Variants in DRICH1 observed in about 807,000 individuals in gnomAD.
DRICH1 encodes aspartate rich 1.
Under a neutral mutation model 39.5 loss-of-function variants are expected in DRICH1, and 38 were observed. That is an observed-to-expected ratio of 0.96 (90% CI 0.74 to 1.26). DRICH1 has a LOEUF of 1.26. DRICH1 is among the 50% of genes most tolerant of loss of function. The pLI, the probability that DRICH1 is intolerant of heterozygous loss-of-function variation, is 0.00. For missense variants in DRICH1, 279 were observed against 270.4 expected, an observed-to-expected ratio of 1.03 and a Z score of -0.22; for synonymous variants, 84 against 99.5, an observed-to-expected ratio of 0.84 and a Z score of 0.93.
intron 4 of DRICH1, 22 bp from the exon 5 acceptor site, chr22:23,620,637 T>C: frequency 6.2e-7 from 1 of 1,613,504 alleles, no homozygotes; most frequent in Non-Finnish European, 8.5e-7. Flanking sequence ...CAAAAGAAGA[T>C]GCTATGAGGA....
the DRICH1 span, chr22:23,583,208 G>A: frequency 6.6e-6 from 1 of 152,198 alleles, no homozygotes; most frequent in East Asian, 1.9e-4. Context: ...AAATCTTTTG[G>A]AAAGTGCTGT....
rs1921003366 is a variant in DRICH1 at position 23,632,153 on chromosome 22, T to G, written c.-130A>C. ...CAGCCTGACCCCAGGCAGATCTGGGTCCTCAGCCCTTATTCTGCCGCCACC... is the reference window on the plus strand; with the variant it reads ...CAGCCTGACCCCAGGCAGATCTGGGGCCTCAGCCCTTATTCTGCCGCCACC... On this transcript the variant is annotated 5_prime_UTR_variant, in exon 1 of 12. Transcript: ENST00000317749. 4 of 1,449,196 alleles carry G rather than the reference T, an allele frequency of 2.8e-6. No homozygotes were observed. The highest frequency in any genetic ancestry group is 3.7e-6 in the Non-Finnish European group (4 of 1,083,396). The allele number at this position is 1,449,196 out of a possible 1,614,324, so 89.8% of individuals were successfully genotyped here.
chr22:23,595,065 C>T, the DRICH1 span, among the ~76,000 whole-genome samples: 1 of 149,024 alleles, frequency 6.7e-6, no homozygotes, highest in African/African-American at 2.5e-5. Context: ...CCACCCAGGT[C>T]CTCAGTGTCC....
chr22:23,611,627 G>A (rs1044061314), intron 11 of DRICH1, among the ~76,000 whole-genome samples: 3 of 151,964 alleles, frequency 2.0e-5, no homozygotes, highest in African/African-American at 7.2e-5. Context: ...TCCTGACCTC[G>A]TAATCCGCCC....
At chr22:23,599,514 TG>T in the DRICH1 span, among the ~76,000 whole-genome samples, 6 of 152,172 alleles carry the variant, frequency 3.9e-5, no homozygotes, top group African/African-American at 1.4e-4. Context: ...AAGGAATTTT[TG>T]GGTGGTGAGC....
chr22:23,617,569 T>C lies in DRICH1; in HGVS notation c.519+6A>G. 1 of 1,613,802 alleles carries C rather than the reference T, an allele frequency of 6.2e-7. No individual in the cohort carries two copies. Among genetic ancestry groups the C allele is most frequent in the South Asian group, 1.1e-5 (1 of 91,078 alleles). ...TTCCTTAGAAGACAAAGAAAGGTTG[T>C]CTTACCTGGGCATCATCATCATCAT... On this transcript the variant is annotated splice_donor_region_variant and intron_variant, in intron 7 of 11. Transcript: ENST00000317749.
downstream of DRICH1, among the ~76,000 whole-genome samples, chr22:23,605,584 C>T (rs527926715): frequency 3.6e-4 from 55 of 152,052 alleles, no homozygotes; most frequent in Middle Eastern, 6.8e-3. Context: ...GTGGGGACAG[C>T]GGCCACCATC....
At chr22:23,585,564 C>T in the DRICH1 span, among the ~76,000 whole-genome samples, 1 of 152,144 alleles carries the variant, frequency 6.6e-6, no homozygotes, top group Non-Finnish European at 1.5e-5. Flanking sequence ...GTCACCCAGG[C>T]TGGAGTGCAG....
chr22:23,605,777 A>T, downstream of DRICH1, among the ~76,000 whole-genome samples: 1 of 152,170 alleles, frequency 6.6e-6, no homozygotes, highest in East Asian at 1.9e-4. Flanking sequence ...ATGATATTTA[A>T]AAATAAAAAT....
intron 8 of DRICH1, 150 bp from the exon 9 acceptor site, chr22:23,614,364 T>A (rs1182922315): frequency 3.2e-6 from 2 of 633,602 alleles, no homozygotes; most frequent in African/African-American, 3.7e-5. Context: ...GGAAGAGGGA[T>A]GGCAAAGAAG....
downstream of DRICH1, among the ~76,000 whole-genome samples, chr22:23,603,863 G>C (rs890523411): frequency 6.6e-6 from 1 of 152,180 alleles, no homozygotes; most frequent in Non-Finnish European, 1.5e-5. Flanking sequence ...GATGGCCTTG[G>C]GGGAGACGAA....
In DRICH1 at chr22:23,614,138, G is replaced by T; in HGVS notation, c.618C>A (p.Ile206=). ...KDEEEEDDDD[I]HITARIESDL... ...GACAAAAAAAGGGAGGTCTTACGTG[G>T]ATGTCATCATCATCTTCTTCTTCTT... Residue 206 remains isoleucine (I), a synonymous_variant, in exon 9 of 12, where the codon ATC becomes ATA. Coordinates refer to ENST00000317749, the MANE Select transcript of DRICH1 (RefSeq NM_016449.4). The T allele has an allele frequency of 6.2e-7, 1 of 1,608,538 alleles. No homozygotes were observed. Among genetic ancestry groups the T allele is most frequent in the Non-Finnish European group, 8.5e-7 (1 of 1,174,892 alleles).
downstream of DRICH1, among the ~76,000 whole-genome samples, chr22:23,607,575 CTCTTTCTTCTGAGAGT>C (rs1336192117): frequency 3.3e-5 from 5 of 151,360 alleles, no homozygotes; most frequent in African/African-American, 7.3e-5. Context: ...GTCCAGGTTT[CTCTTTCTTCTGAGAGT>C]CTCATTAGAG....
chr22:23,611,365 A>G (rs897172081), intron 11 of DRICH1, among the ~76,000 whole-genome samples: 1 of 151,738 alleles, frequency 6.6e-6, no homozygotes, highest in Admixed American at 6.6e-5. Flanking sequence ...CCACATACCC[A>G]ATTTATGGCT....
the DRICH1 span, among the ~76,000 whole-genome samples, chr22:23,582,554 G>GTTTATTATTATTATTATT: frequency 1.3e-3 from 53 of 40,084 alleles, no homozygotes; most frequent in African/African-American, 3.2e-3. Context: ...ACCTTCAGGG[G>GTTTATTATTATTATTATT]CTTATTATTA....
intron 10 of DRICH1, 141 bp from the exon 11 acceptor site, chr22:23,613,471 G>T: frequency 1.1e-6 from 1 of 936,668 alleles, no homozygotes; most frequent in Non-Finnish European, 1.7e-6. Context: ...TCTTTCTTCT[G>T]GGTCGACAAA....
chr22:23,632,679 G>T (rs13055809), upstream of DRICH1: 13,721 of 110,246 alleles, frequency 0.12, 2,140 homozygotes, highest in African/African-American at 0.38. Flanking sequence ...AGGCTGAGCG[G>T]GGGGGGTGGA....
intron 6 of DRICH1, 116 bp downstream of exon 6, chr22:23,619,248 A>C (rs183582715): frequency 6.0e-5 from 42 of 696,032 alleles, no homozygotes; most frequent in Non-Finnish European, 5.3e-6. Context: ...AGCTGTCAAC[A>C]TAAAGTTTCT....
chr22:23,584,679 A>T, the DRICH1 span, among the ~76,000 whole-genome samples: 3 of 152,350 alleles, frequency 2.0e-5, no homozygotes, highest in Admixed American at 2.0e-4. Flanking sequence ...TTATGTGTCA[A>T]CTTGGCAGGG....
Sources: gnomAD v4.1 joint callset for allele counts (sites outside exome capture counted in the v4.1 genomes callset) on GRCh38, gnomAD v4.1.1 for gene constraint, MANE v1.5 for transcripts, NCBI Gene and HGNC (gene_info 2026-07-23, HGNC 2026-07-21) for gene names.